PTPRZ1: variants seen among roughly 807,000 people sequenced by gnomAD.
PTPRZ1 encodes protein tyrosine phosphatase receptor type Z1, also known as receptor-type tyrosine-protein phosphatase zeta.
In PTPRZ1, 82 loss-of-function variants were observed where a neutral mutation model predicts 214.1. The observed-to-expected ratio is 0.38, with a 90% CI of 0.32 to 0.46. The LOEUF (loss-of-function observed/expected upper bound fraction) is 0.46, where lower values mean the gene tolerates loss of function less well. Among genes scored for constraint, PTPRZ1 ranks in the 20% least tolerant of loss-of-function variants. The pLI is 1.00. For missense variants in PTPRZ1, 2,603 were observed against 2,748.7 expected, an observed-to-expected ratio of 0.95 and a Z score of 1.19; for synonymous variants, 945 against 987.9, an observed-to-expected ratio of 0.96 and a Z score of 0.81.
chr7:122,029,572 G>A (rs1178164874), intron 14 of PTPRZ1, among the ~76,000 whole-genome samples: 1 of 151,872 alleles, frequency 6.6e-6, no homozygotes, highest in East Asian at 1.9e-4. Flanking sequence ...TCATCTATGG[G>A]ATCATTTCAC....
In PTPRZ1 at chr7:121,972,839, A is replaced by C. The variant is rs1797299673; in HGVS notation, c.456+147A>C. 11 of 672,692 alleles carry C rather than the reference A, an allele frequency of 1.6e-5. No individual in the cohort carries two copies. In the South Asian group the frequency reaches 4.7e-4, roughly 29 times the overall value. 41.7% of individuals were successfully genotyped at this position (672,692 alleles called of 1,614,324 possible). On this transcript the variant is annotated intron_variant, in intron 4 of 29. Coordinates refer to ENST00000393386, the MANE Select transcript of PTPRZ1 (RefSeq NM_002851.3). ...CTTGATTAATATACTAGACTAAGCTAAATTAATGTAAGACTTATCTTTGAT... is the reference window on the plus strand; with the variant it reads ...CTTGATTAATATACTAGACTAAGCTCAATTAATGTAAGACTTATCTTTGAT...
At chr7:121,915,440 G>A (rs28530500) in intron 1 of PTPRZ1, among the ~76,000 whole-genome samples, 91,394 of 151,970 alleles carry the variant, frequency 0.6, 27,883 homozygotes, top group African/African-American at 0.68. Flanking sequence ...GTTAGTTAGA[G>A]GTGCATATCA....
At chr7:121,951,951 A>ATT (rs1273271925) in intron 2 of PTPRZ1, among the ~76,000 whole-genome samples, 18 of 50,556 alleles carry the variant, frequency 3.6e-4, no homozygotes, top group Admixed American at 1.3e-3. Context: ...ATGCGAGTGT[A>ATT]TTTATTTATT....
chr7:122,046,549 T>C (rs1204526492), intron 23 of PTPRZ1, among the ~76,000 whole-genome samples: 3 of 151,894 alleles, frequency 2.0e-5, no homozygotes, highest in African/African-American at 7.3e-5. Flanking sequence ...TATTTAAGAG[T>C]TGAACACAGG....
At chr7:122,059,612 C>T in intron 28 of PTPRZ1, 141 bp from the exon 29 acceptor site, 1 of 923,654 alleles carries the variant, frequency 1.1e-6, no homozygotes, top group Non-Finnish European at 1.6e-6. Context: ...GTTCTTTGTG[C>T]AAAAAGCGAA....
intron 2 of PTPRZ1, among the ~76,000 whole-genome samples, chr7:121,934,060 C>T (rs1382860097): frequency 6.6e-6 from 1 of 152,202 alleles, no homozygotes; most frequent in Non-Finnish European, 1.5e-5. Flanking sequence ...ATACTCTACC[C>T]TGTTGACCAT....
chr7:121,954,226 T>C (rs1298884508), intron 2 of PTPRZ1, among the ~76,000 whole-genome samples: 1 of 152,170 alleles, frequency 6.6e-6, no homozygotes, highest in African/African-American at 2.4e-5. Flanking sequence ...CCATAAAATT[T>C]AAATATGACC....
chr7:121,912,127 A>C (rs1216297307), intron 1 of PTPRZ1, among the ~76,000 whole-genome samples: 1 of 152,222 alleles, frequency 6.6e-6, no homozygotes, highest in Non-Finnish European at 1.5e-5. Context: ...AGTATTAGAT[A>C]AATTCAAGAA....
intron 1 of PTPRZ1, among the ~76,000 whole-genome samples, chr7:121,914,810 TA>T (rs1368235814): frequency 1.3e-5 from 2 of 152,148 alleles, no homozygotes; most frequent in African/African-American, 4.8e-5. Context: ...ATACCTCTCC[TA>T]ACTACAGAAC....
intron 9 of PTPRZ1, among the ~76,000 whole-genome samples, chr7:121,997,667 C>CAAAA (rs200025096): frequency 1.2e-5 from 1 of 82,108 alleles, no homozygotes; most frequent in Non-Finnish European, 2.6e-5. Flanking sequence ...TTTTAAAAAG[C>CAAAA]AAAAAAAAAA....
chr7:121,993,111 T>G lies in PTPRZ1; in HGVS notation c.929-3271T>G, dbSNP rs149659064. On this transcript the variant is annotated intron_variant, in intron 8 of 29. Transcript: ENST00000393386. ...GAATGAAGCTTCAACAGTTTCGAAC[T>G]CCTCATGATCAGGAAAATTATATTT... 3.1e-3 allele frequency among the ~76,000 whole-genome samples: 467 copies of G among 152,330 alleles called. 1 individual carries two copies. The highest frequency in any genetic ancestry group is 0.01 in the African/African-American group (435 of 41,588).
rs761863943 is a variant in PTPRZ1 at position 121,996,582 on chromosome 7, G to A, written c.1113+16G>A. ...TCAAGACTTGGTAACTATATGATCA[G>A]TTGTTTTACATAGGGTAACATTATA... is the stretch of plus-strand genomic sequence containing the variant. On this transcript the variant is annotated intron_variant, in intron 9 of 29. Transcript: ENST00000393386. The A allele has an allele frequency of 1.3e-6, 2 of 1,583,194 alleles. No individual in the cohort carries two copies. The highest frequency in any genetic ancestry group is 2.3e-5 in the South Asian group (2 of 85,158).
rs192507718 is a variant in PTPRZ1, at chr7:121,983,056, G to T, written c.620-609G>T. Among the ~76,000 whole-genome samples, 9 of 152,284 alleles carry T rather than the reference G, an allele frequency of 5.9e-5. No individual in the cohort carries two copies. The East Asian group carries it at 1.4e-3, about 23-fold the overall frequency. On this transcript the variant is annotated intron_variant, in intron 6 of 29. Transcript: ENST00000393386. ...CTTCTTTACAGGCGTGAGCCACCAC[G>T]CCCGGCCTGTAAATAATTTTCAATG...
chr7:121,917,142 C>T (rs1795451126), intron 1 of PTPRZ1, among the ~76,000 whole-genome samples: 1 of 152,244 alleles, frequency 6.6e-6, no homozygotes, highest in African/African-American at 2.4e-5. Flanking sequence ...AAAATGATAA[C>T]TAGTAATTAT....
At chr7:122,060,156 A>T (rs1226836630) in intron 29 of PTPRZ1, among the ~76,000 whole-genome samples, 3 of 152,172 alleles carry the variant, frequency 2.0e-5, no homozygotes, top group Non-Finnish European at 4.4e-5. Flanking sequence ...TGAATGTAGA[A>T]GTCATAGGCT....
At chr7:121,886,431 A>C (rs1794399153) in intron 1 of PTPRZ1, among the ~76,000 whole-genome samples, 1 of 151,392 alleles carries the variant, frequency 6.6e-6, no homozygotes. Flanking sequence ...TTCATCAAAA[A>C]CACAGCTGAA....
At chr7:121,939,152 A>C (rs1189203861) in intron 2 of PTPRZ1, among the ~76,000 whole-genome samples, 2 of 152,228 alleles carry the variant, frequency 1.3e-5, no homozygotes, top group African/African-American at 4.8e-5. Context: ...ATTTCAGGGG[A>C]TCATCCCAAA....
chr7:122,045,677 A>G (rs1399380623), intron 23 of PTPRZ1, among the ~76,000 whole-genome samples: 2 of 107,942 alleles, frequency 1.9e-5, no homozygotes, highest in African/African-American at 8.4e-5. Context: ...TTTTCCCTAA[A>G]TAAATTACAC....
chr7:121,899,450 T>A (rs1377931474), intron 1 of PTPRZ1, among the ~76,000 whole-genome samples: 1 of 152,188 alleles, frequency 6.6e-6, no homozygotes, highest in Non-Finnish European at 1.5e-5. Flanking sequence ...AAAGTTCATA[T>A]TTTTTTAAGT....
Sources: gnomAD v4.1 joint callset for allele counts (sites outside exome capture counted in the v4.1 genomes callset) on GRCh38, gnomAD v4.1.1 for gene constraint, MANE v1.5 for transcripts, NCBI Gene and HGNC (gene_info 2026-07-23, HGNC 2026-07-21) for gene names.